Variants in TP53BP1 observed in about 807,000 individuals in gnomAD.
TP53BP1 encodes the protein tumor protein p53 binding protein 1.
A neutral mutation model predicts 200.8 loss-of-function variants in TP53BP1; 61 were observed. The observed-to-expected ratio is 0.30, with a 90% CI of 0.25 to 0.38. The LOEUF is 0.38. Ranked by LOEUF, TP53BP1 falls within the 10% of genes least tolerant of loss-of-function variation. TP53BP1 has a pLI of 1.00. For missense variants in TP53BP1, 2,144 were observed against 2,371.9 expected (o/e 0.90, Z 2.00); for synonymous variants, 822 against 844.3 (o/e 0.97, Z 0.46).
intron 7 of TP53BP1, among the ~76,000 whole-genome samples, chr15:43,478,218 T>G (rs527921): frequency 0.22 from 32,786 of 152,030 alleles, 5,370 homozygotes; most frequent in African/African-American, 0.46. Context: ...CCATTTGATG[T>G]ACCCAAACCC....
At chr15:43,416,718 G>A (rs567339822) in intron 21 of TP53BP1, 1 of 250,272 alleles carries the variant, frequency 4.0e-6, no homozygotes, top group Non-Finnish European at 7.6e-6. Context: ...TTTCCGTGAA[G>A]TGAAATGGCA....
At chr15:43,421,266 C>CCTA in intron 19 of TP53BP1, 92 bp from the exon 20 acceptor site, 1 of 1,362,438 alleles carries the variant, frequency 7.3e-7, no homozygotes, top group African/African-American at 1.4e-5. Context: ...ACATGACAGG[C>CCTA]CTACATGTGC....
chr15:43,422,232 G>T, intron 18 of TP53BP1, 106 bp from the exon 19 acceptor site: 1 of 1,303,182 alleles, frequency 7.7e-7, no homozygotes, highest in Non-Finnish European at 1.1e-6. Context: ...AATTCAAAAA[G>T]GTGAGAATCA....
intron 12 of TP53BP1, among the ~76,000 whole-genome samples, chr15:43,455,613 G>A (rs2046273670): frequency 6.6e-6 from 1 of 151,916 alleles, no homozygotes; most frequent in African/African-American, 2.4e-5. Flanking sequence ...CCAGCTACTT[G>A]GGAGGCTGAG....
chr15:43,492,920 C>T lies in TP53BP1; in HGVS notation c.7+117G>A, dbSNP rs1445904901. The T allele has an allele frequency of 2.2e-6, 3 of 1,336,250 alleles. No homozygotes were observed. In the Admixed American group the frequency reaches 5.9e-5, roughly 26 times the overall value. 82.8% of individuals were successfully genotyped at this position (1,336,250 alleles called of 1,614,324 possible). A position where few individuals can be genotyped will look rare whatever the true frequency, so the allele number is the denominator to read the frequency against. On this transcript the variant is annotated intron_variant, in intron 1 of 27. Transcript: ENST00000382044. ...ACCCCCTCCTTAGGGCCCTCCAACC[C>T]CTTCCCCGTCACCGCCGCCATGCTT...
chr15:43,481,858 A>G (rs190433559), intron 4 of TP53BP1, among the ~76,000 whole-genome samples: 2 of 151,748 alleles, frequency 1.3e-5, no homozygotes, highest in African/African-American at 4.8e-5. Flanking sequence ...CTCCCAGGCT[A>G]AAGTGCAGTA....
At chr15:43,451,383 G>A (rs2046165959) in intron 12 of TP53BP1, among the ~76,000 whole-genome samples, 1 of 148,626 alleles carries the variant, frequency 6.7e-6, no homozygotes, top group Admixed American at 6.8e-5. Context: ...CCCTTCCTGT[G>A]TCCATGTGTT....
chr15:43,441,968 T>C (rs2045933783), intron 14 of TP53BP1, among the ~76,000 whole-genome samples: 1 of 152,146 alleles, frequency 6.6e-6, no homozygotes, highest in Non-Finnish European at 1.5e-5. Context: ...CCCAAGCTGG[T>C]CTCAAACTCC....
At chr15:43,436,462 CTATT>C (rs146721923) in intron 16 of TP53BP1, among the ~76,000 whole-genome samples, 18,316 of 151,542 alleles carry the variant, frequency 0.12, 1,479 homozygotes, top group Middle Eastern at 0.22. Context: ...ATATAAGATA[CTATT>C]TATTTATTTA....
At chr15:43,503,033 G>A (rs761981583) in intron 1 of TP53BP1, among the ~76,000 whole-genome samples, 3 of 131,634 alleles carry the variant, frequency 2.3e-5, no homozygotes, top group African/African-American at 1.2e-4. Flanking sequence ...GATTACATGC[G>A]TGAGCCACCT....
intron 4 of TP53BP1, 38 bp downstream of exon 4, chr15:43,491,631 A>G (rs780667054): frequency 6.4e-5 from 92 of 1,434,070 alleles, no homozygotes; most frequent in Non-Finnish European, 8.2e-5. Flanking sequence ...AACAAATCTG[A>G]TAATACATTT....
Position 43,407,544 on chromosome 15 carries a change from C to A in TP53BP1, c.5773G>T (p.Val1925Leu). ...GCTGGGCATGAGGGGTCCGTCACCA[C>A]CACATCAAATACCCCTAAAGCAATA... The part of the protein sequence containing the change: ...KDIALGVFDV[V>L]VTDPSCPASV... Residue 1925 changes from valine to leucine, a missense_variant, in exon 28 of 28, where the codon GTG becomes TTG. Physicochemically the swap from Val to Leu is conservative, Grantham distance 32. Transcript: ENST00000382044. 2 of 1,614,044 alleles carry A rather than the reference C, an allele frequency of 1.2e-6. No individual in the cohort carries two copies. The highest frequency in any genetic ancestry group is 1.7e-6 in the Non-Finnish European group (2 of 1,179,944).
rs1595610636 is a variant in TP53BP1, at chr15:43,479,387, T to C, written c.788+10A>G. 1 of 1,592,260 alleles carries C rather than the reference T, an allele frequency of 6.3e-7. No individual in the cohort carries two copies. The highest frequency in any genetic ancestry group is 8.5e-7 in the Non-Finnish European group (1 of 1,170,928). On this transcript the variant is annotated intron_variant, in intron 7 of 27. Coordinates refer to ENST00000382044, the MANE Select transcript of TP53BP1 (RefSeq NM_001141980.3). ...AAACTCGTAAATCCTTTTTAGAAAGTTCGGCTTACCTTGCAGGTGGTGGAT... is the reference window on the plus strand; with the variant it reads ...AAACTCGTAAATCCTTTTTAGAAAGCTCGGCTTACCTTGCAGGTGGTGGAT...
chr15:43,492,358 C>G lies in TP53BP1; in HGVS notation c.118G>C (p.Asp40His), dbSNP rs563470444. ...SQPESQVLEDDSGSHFSMLSR... is the reference protein window; with the variant it reads ...SQPESQVLEDHSGSHFSMLSR... Reference sequence around the variant, plus strand: ...AGCATACTGAAGTGAGAACCAGAATCATCCTCTAGAACCTGGCTTTCAGGC... The same window carrying G: ...AGCATACTGAAGTGAGAACCAGAATGATCCTCTAGAACCTGGCTTTCAGGC... The change falls in exon 2 of 28, where the codon GAT becomes CAT. Residue 40 changes from aspartate (D) to histidine (H), a missense_variant. By Grantham distance (81) the Asp-to-His change is moderately conservative. Around this residue, in one of 4 missense-constraint regions of TP53BP1, gnomAD observed 1,700 missense variants for 1,710.3 expected, o/e 0.99. Coordinates refer to ENST00000382044, the MANE Select transcript of TP53BP1 (RefSeq NM_001141980.3). 1.2e-6 allele frequency: 2 copies of G among 1,614,120 alleles called. No individual in the cohort carries two copies. Among genetic ancestry groups the G allele is most frequent in the South Asian group, 2.2e-5 (2 of 91,084 alleles).
intron 11 of TP53BP1, among the ~76,000 whole-genome samples, chr15:43,466,985 T>A (rs2046597946): frequency 6.6e-6 from 1 of 152,162 alleles, no homozygotes. Context: ...ACTATCTGAC[T>A]TATTTTTGGG....
At chr15:43,471,600 A>G (rs934033315) in intron 10 of TP53BP1, among the ~76,000 whole-genome samples, 24 of 151,960 alleles carry the variant, frequency 1.6e-4, no homozygotes, top group Non-Finnish European at 2.6e-4. Context: ...TTAATTTTTT[A>G]TATTTTTAGT....
intron 19 of TP53BP1, 70 bp from the exon 20 acceptor site, chr15:43,421,244 G>A (rs2045389868): frequency 6.5e-7 from 1 of 1,548,712 alleles, no homozygotes; most frequent in Admixed American, 1.7e-5. Flanking sequence ...GTCTCCCCTT[G>A]GCCCTCAGAC....
rs532111390 is a variant in TP53BP1 at position 43,427,033 on chromosome 15, A to G, written c.3828+983T>C. 7.3e-3 allele frequency among the ~76,000 whole-genome samples: 1,105 copies of G among 151,722 alleles called. 6 individuals are homozygous for G. Among genetic ancestry groups the G allele is most frequent in the Non-Finnish European group, 0.013 (850 of 67,910 alleles). ...ACTCTGCCTCAAAAAAAAAAAAAAA[A>G]AAAGAAAATAGCTGTGCCTCTTACC... is the stretch of plus-strand genomic sequence containing the variant. On this transcript the variant is annotated intron_variant, in intron 18 of 27. Coordinates refer to ENST00000382044, the MANE Select transcript of TP53BP1 (RefSeq NM_001141980.3).
At chr15:43,416,869 C>T (rs1263000362) in intron 21 of TP53BP1, 1 of 153,500 alleles carries the variant, frequency 6.5e-6, no homozygotes, top group Admixed American at 6.5e-5. Flanking sequence ...TGTTTTCTCT[C>T]TGTGTGTGTA....
Sources: gnomAD v4.1 joint callset for allele counts (sites outside exome capture counted in the v4.1 genomes callset) on GRCh38, gnomAD v4.1.1 for gene constraint, gnomAD v4.1.1 regional missense constraint, MANE v1.5 for transcripts, NCBI Gene and HGNC (gene_info 2026-07-23, HGNC 2026-07-21) for gene names.